Variants in COL14A1 observed in about 807,000 individuals in gnomAD.
COL14A1 encodes the protein collagen alpha-1(XIV) chain.
Under a neutral mutation model 230.3 loss-of-function variants are expected in COL14A1, and 136 were observed. That is an observed-to-expected ratio of 0.59 (90% CI 0.51 to 0.68). The LOEUF (loss-of-function observed/expected upper bound fraction) is 0.68, where lower values mean the gene tolerates loss of function less well. Among genes scored for constraint, COL14A1 ranks in the 30% least tolerant of loss-of-function variants. COL14A1 has a pLI of 0.00. For synonymous variants in COL14A1, 792 were observed against 784.1 expected (o/e 1.01, Z -0.17); for missense variants, 1,976 against 2,215.8 (o/e 0.89, Z 2.17).
intron 18 of COL14A1, among the ~76,000 whole-genome samples, chr8:120,229,719 G>T (rs1205196521): frequency 6.6e-6 from 1 of 152,148 alleles, no homozygotes; most frequent in East Asian, 1.9e-4. Context: ...CTAGTTTACA[G>T]TCCCACCAAC....
At chr8:120,309,824 C>T (rs10103126) in intron 36 of COL14A1, among the ~76,000 whole-genome samples, 185 bp from the exon 37 acceptor site, 171 of 152,136 alleles carry the variant, frequency 1.1e-3, no homozygotes, top group African/African-American at 3.8e-3. Flanking sequence ...ACCATGAAAT[C>T]GTCTGCAGCG....
chr8:120,309,543 A>G (rs1820960399), intron 36 of COL14A1, among the ~76,000 whole-genome samples: 1 of 152,178 alleles, frequency 6.6e-6, no homozygotes, highest in South Asian at 2.1e-4. Flanking sequence ...ATGAATGACA[A>G]CTTTCAGAAA....
intron 42 of COL14A1, among the ~76,000 whole-genome samples, chr8:120,334,585 A>AACAC (rs3054171): frequency 0.046 from 6,695 of 144,638 alleles, 190 homozygotes; most frequent in African/African-American, 0.055. Context: ...CACACACAAA[A>AACAC]ACACACACAC....
chr8:120,335,993 G>A (rs1288443375), intron 42 of COL14A1, among the ~76,000 whole-genome samples: 1 of 152,188 alleles, frequency 6.6e-6, no homozygotes, highest in Non-Finnish European at 1.5e-5. Flanking sequence ...AGCCACATCA[G>A]TTGCACAAAT....
At chr8:120,143,222 C>T (rs1415179194) in intron 1 of COL14A1, among the ~76,000 whole-genome samples, 1 of 152,158 alleles carries the variant, frequency 6.6e-6, no homozygotes, top group Admixed American at 6.5e-5. Flanking sequence ...TTGGCATATG[C>T]CTTACCAGAT....
At chr8:120,199,100 T>C (rs1817141909) in intron 7 of COL14A1, among the ~76,000 whole-genome samples, 1 of 152,196 alleles carries the variant, frequency 6.6e-6, no homozygotes, top group African/African-American at 2.4e-5. Flanking sequence ...TCCTGAATTA[T>C]AAAGGTTCAG....
intron 19 of COL14A1, among the ~76,000 whole-genome samples, chr8:120,239,593 G>A (rs1254968409): frequency 6.6e-6 from 1 of 152,060 alleles, no homozygotes; most frequent in Non-Finnish European, 1.5e-5. Context: ...AAAAGTTAAT[G>A]GATTCTTAAA....
intron 25 of COL14A1, among the ~76,000 whole-genome samples, chr8:120,269,033 T>C (rs1397807651): frequency 1.3e-5 from 2 of 151,744 alleles, no homozygotes; most frequent in East Asian, 1.9e-4. Flanking sequence ...TTGGAGATGG[T>C]TTATTTTATA....
chr8:120,334,740 G>T (rs1821994205), intron 42 of COL14A1, among the ~76,000 whole-genome samples: 1 of 152,166 alleles, frequency 6.6e-6, no homozygotes, highest in South Asian at 2.1e-4. Flanking sequence ...CCCAGAATGT[G>T]CTCCTGGGAA....
At chr8:120,196,980 T>A in intron 6 of COL14A1, 34 bp downstream of exon 6, 1 of 1,604,276 alleles carries the variant, frequency 6.2e-7, no homozygotes, top group Non-Finnish European at 8.5e-7. Context: ...AGCAGTCAGT[T>A]GTCAGTGCAA....
intron 46 of COL14A1, among the ~76,000 whole-genome samples, chr8:120,368,180 G>A (rs1288661556): frequency 6.6e-6 from 1 of 151,938 alleles, no homozygotes; most frequent in Non-Finnish European, 1.5e-5. Flanking sequence ...CTTTTAGAAT[G>A]GTCTCCAGAT....
At chr8:120,125,805 TGA>T (rs1194255494) in intron 1 of COL14A1, among the ~76,000 whole-genome samples, 3 of 152,090 alleles carry the variant, frequency 2.0e-5, no homozygotes, top group Admixed American at 6.5e-5. Context: ...TGGGATAGCT[TGA>T]GAGAGCTGCT....
At chr8:120,173,564 C>CATCTTTCT in intron 5 of COL14A1, among the ~76,000 whole-genome samples, 1 of 149,286 alleles carries the variant, frequency 6.7e-6, no homozygotes, top group Admixed American at 6.7e-5. Flanking sequence ...AGCAATCAAT[C>CATCTTTCT]ATCTATCTAT....
Position 120,356,440 on chromosome 8 carries a change from A to T in COL14A1, c.5078-10731A>T, listed in dbSNP as rs149429458. On this transcript the variant is annotated intron_variant, in intron 45 of 47. Coordinates refer to ENST00000297848, the MANE Select transcript of COL14A1 (RefSeq NM_021110.4). ...TATGTGATCTTGACTACTTAAGCTTAAAACTTAATCTCTGAAACTCCATTC... is the reference window on the plus strand; with the variant it reads ...TATGTGATCTTGACTACTTAAGCTTTAAACTTAATCTCTGAAACTCCATTC... Among the ~76,000 whole-genome samples, 68 of 152,332 alleles carry T rather than the reference A, an allele frequency of 4.5e-4. 1 individual carries two copies. The East Asian group carries it at 8.9e-3, about 20-fold the overall frequency.
intron 1 of COL14A1, among the ~76,000 whole-genome samples, chr8:120,130,615 G>A (rs1337107002): frequency 6.6e-6 from 1 of 152,134 alleles, no homozygotes; most frequent in Non-Finnish European, 1.5e-5. Context: ...GGAAAGAAAT[G>A]TAAAATGGAA....
chr8:120,322,993 G>C (rs1821512166), intron 40 of COL14A1, among the ~76,000 whole-genome samples: 2 of 152,150 alleles, frequency 1.3e-5, no homozygotes, highest in Non-Finnish European at 2.9e-5. Flanking sequence ...CTTCCACAAT[G>C]GTTGAACTAG....
chr8:120,319,417 C>G (rs369345774), intron 40 of COL14A1, among the ~76,000 whole-genome samples: 12 of 152,180 alleles, frequency 7.9e-5, no homozygotes, highest in African/African-American at 2.9e-4. Context: ...TCAAGCGATT[C>G]TCCTGCCTCA....
At chr8:120,346,804 G>A (rs1164908972) in intron 45 of COL14A1, among the ~76,000 whole-genome samples, 2 of 152,126 alleles carry the variant, frequency 1.3e-5, no homozygotes, top group Non-Finnish European at 2.9e-5. Context: ...AGGCATTAGC[G>A]AACAGCCAGG....
chr8:120,139,934 A>T (rs773272914), intron 1 of COL14A1, among the ~76,000 whole-genome samples: 1 of 152,160 alleles, frequency 6.6e-6, no homozygotes, highest in Admixed American at 6.5e-5. Context: ...AGGCTGAGGC[A>T]GGAGGATCTC....
Sources: gnomAD v4.1 joint callset for allele counts (sites outside exome capture counted in the v4.1 genomes callset) on GRCh38, gnomAD v4.1.1 for gene constraint, MANE v1.5 for transcripts, NCBI Gene and HGNC (gene_info 2026-07-23, HGNC 2026-07-21) for gene names.